KCNH7: variants seen among roughly 807,000 people sequenced by gnomAD.
The protein encoded by KCNH7 is voltage-gated inwardly rectifying potassium channel KCNH7.
A neutral mutation model predicts 120.8 loss-of-function variants in KCNH7; 49 were observed. The observed-to-expected ratio is 0.41, with a 90% CI of 0.32 to 0.51. The LOEUF (loss-of-function observed/expected upper bound fraction) is 0.51. KCNH7 is among the 20% of genes least tolerant of loss of function. KCNH7 has a pLI of 0.38. For missense variants in KCNH7, 1,097 were observed against 1,446.6 expected (o/e 0.76, Z 3.92); for synonymous variants, 547 against 516.1 (o/e 1.06, Z -0.81).
chr2:162,800,356 T>TGG (rs1342820104), intron 2 of KCNH7, among the ~76,000 whole-genome samples: 2 of 151,830 alleles, frequency 1.3e-5, no homozygotes, highest in Admixed American at 1.3e-4. Flanking sequence ...CACTAATACC[T>TGG]GGGGATTTGC....
intron 9 of KCNH7, among the ~76,000 whole-genome samples, chr2:162,412,240 T>C (rs1179326992): frequency 6.6e-6 from 1 of 152,034 alleles, no homozygotes; most frequent in Non-Finnish European, 1.5e-5. Context: ...ATAAAATTAA[T>C]AAAGATATTT....
At chr2:162,759,350 T>C (rs1235238939) in intron 2 of KCNH7, among the ~76,000 whole-genome samples, 3 of 152,034 alleles carry the variant, frequency 2.0e-5, no homozygotes, top group South Asian at 2.1e-4. Context: ...CATGGTATCA[T>C]TGGAGTCTGG....
intron 6 of KCNH7, among the ~76,000 whole-genome samples, chr2:162,469,327 G>T (rs929836843): frequency 2.0e-5 from 3 of 152,148 alleles, no homozygotes; most frequent in Non-Finnish European, 4.4e-5. Context: ...GAACAACTAT[G>T]CTTTTGACCC....
chr2:162,617,919 T>C (rs1240051821), intron 2 of KCNH7, among the ~76,000 whole-genome samples: 12 of 152,108 alleles, frequency 7.9e-5, no homozygotes, highest in Admixed American at 7.2e-4. Context: ...CCATAAATCA[T>C]AGAAATGAAT....
intron 8 of KCNH7, among the ~76,000 whole-genome samples, chr2:162,433,300 A>G (rs1388209155): frequency 6.6e-6 from 1 of 152,118 alleles, no homozygotes; most frequent in Non-Finnish European, 1.5e-5. Flanking sequence ...ATAGAAAGTG[A>G]AACAGAGCCT....
At chr2:162,582,113 TGA>T (rs1239564576) in intron 2 of KCNH7, among the ~76,000 whole-genome samples, 1 of 152,056 alleles carries the variant, frequency 6.6e-6, no homozygotes, top group Non-Finnish European at 1.5e-5. Flanking sequence ...CCGTGCAGTC[TGA>T]GATTTAAAGA....
At chr2:162,773,975 T>C (rs1386865826) in intron 2 of KCNH7, among the ~76,000 whole-genome samples, 1 of 152,196 alleles carries the variant, frequency 6.6e-6, no homozygotes, top group Non-Finnish European at 1.5e-5. Flanking sequence ...TGATTTTTTT[T>C]CTGGTAATAA....
intron 12 of KCNH7, among the ~76,000 whole-genome samples, chr2:162,392,570 T>C (rs1356336131): frequency 3.3e-5 from 5 of 152,020 alleles, no homozygotes; most frequent in African/African-American, 9.7e-5. Context: ...TTTCCACAGA[T>C]ACTTGTTGAG....
chr2:162,507,072 C>T (rs1309469282), intron 5 of KCNH7, among the ~76,000 whole-genome samples: 1 of 151,748 alleles, frequency 6.6e-6, no homozygotes, highest in Non-Finnish European at 1.5e-5. Context: ...TCCAGAGCTA[C>T]AATTTCCATG....
intron 2 of KCNH7, among the ~76,000 whole-genome samples, chr2:162,764,607 C>A (rs890615823): frequency 6.6e-6 from 1 of 152,052 alleles, no homozygotes; most frequent in Non-Finnish European, 1.5e-5. Flanking sequence ...ACTCTCTTTA[C>A]AGATTACTGC....
At chr2:162,462,578 A>G (rs1359902100) in intron 6 of KCNH7, among the ~76,000 whole-genome samples, 1 of 151,976 alleles carries the variant, frequency 6.6e-6, no homozygotes, top group African/African-American at 2.4e-5. Flanking sequence ...GAGTAAGATT[A>G]GGAAATAGAA....
At chr2:162,432,370 G>A (rs940081694) in intron 8 of KCNH7, among the ~76,000 whole-genome samples, 3 of 151,912 alleles carry the variant, frequency 2.0e-5, no homozygotes, top group African/African-American at 4.8e-5. Flanking sequence ...GAAATGTAAT[G>A]TTATTTGTTT....
chr2:162,474,552 C>T (rs1689667214), intron 6 of KCNH7, among the ~76,000 whole-genome samples: 1 of 152,182 alleles, frequency 6.6e-6, no homozygotes, highest in African/African-American at 2.4e-5. Context: ...TGAGTGTAGG[C>T]TGGACTTACT....
Position 162,435,410 on chromosome 2 carries a change from A to G in KCNH7, c.1742T>C (p.Leu581Pro). 1 of 1,613,842 alleles carries G rather than the reference A, an allele frequency of 6.2e-7. No homozygotes were observed. Among genetic ancestry groups the G allele is most frequent in the Non-Finnish European group, 8.5e-7 (1 of 1,179,876 alleles). Residue 581 changes from leucine (L) to proline (P), a missense_variant, in exon 8 of 16, where the codon CTG (leucine) becomes CCG (proline). Physicochemically the swap from Leu to Pro is moderately conservative, Grantham distance 98 (BLOSUM62 -3). Transcript: ENST00000332142. ...YAIGNVERPY[L>P]TDKIGWLDSL... ...ATCCAACCATCCGATTTTGTCAGTC[A>G]GGTAAGGCCTTTCTACATTCCCAAT...
At chr2:162,619,104 T>C (rs1346624421) in intron 2 of KCNH7, among the ~76,000 whole-genome samples, 2 of 152,136 alleles carry the variant, frequency 1.3e-5, no homozygotes, top group African/African-American at 4.8e-5. Flanking sequence ...CATTTATTCA[T>C]TCATTGAATT....
chr2:162,404,738 C>A (rs529685448), intron 9 of KCNH7, among the ~76,000 whole-genome samples: 42 of 152,068 alleles, frequency 2.8e-4, no homozygotes, highest in Non-Finnish European at 5.0e-4. Context: ...AATTAAACTT[C>A]TTTTATTTAT....
At chr2:162,645,303 A>G (rs1235074764) in intron 2 of KCNH7, among the ~76,000 whole-genome samples, 1 of 152,054 alleles carries the variant, frequency 6.6e-6, no homozygotes, top group Non-Finnish European at 1.5e-5. Context: ...ACGTGCCACC[A>G]TACCCAGCTA....
intron 7 of KCNH7, among the ~76,000 whole-genome samples, chr2:162,440,154 T>C (rs1688376615): frequency 6.6e-6 from 1 of 151,844 alleles, no homozygotes; most frequent in East Asian, 1.9e-4. Flanking sequence ...TAAACATTTT[T>C]AAGAATCTTA....
chr2:162,750,337 C>T (rs1362873675), intron 2 of KCNH7, among the ~76,000 whole-genome samples: 1 of 140,276 alleles, frequency 7.1e-6, no homozygotes, highest in African/African-American at 3.2e-5. Context: ...ATCATGGGAG[C>T]AAAAATTTAA....
Sources: allele counts gnomAD v4.1 joint callset (sites outside exome capture counted in the v4.1 genomes callset), GRCh38; gene constraint gnomAD v4.1.1; transcripts MANE v1.5; gene names NCBI Gene and HGNC (gene_info 2026-07-23, HGNC 2026-07-21).